SRSF7: variants seen among roughly 807,000 people sequenced by gnomAD.
SRSF7 encodes serine/arginine-rich splicing factor 7.
A neutral mutation model predicts 42.2 loss-of-function variants in SRSF7; 15 were observed. The ratio of observed to expected loss-of-function variants is 0.36; its 90% confidence interval spans 0.24 to 0.55. The LOEUF (loss-of-function observed/expected upper bound fraction) is 0.55, where lower values mean the gene tolerates loss of function less well. Among genes scored for constraint, SRSF7 ranks in the 20% least tolerant of loss-of-function variants. The pLI, the probability that SRSF7 is intolerant of heterozygous loss-of-function variation, is 0.88. For synonymous variants in SRSF7, 138 were observed against 107.9 expected (o/e 1.28, Z -1.73); for missense variants, 181 against 305.9 (o/e 0.59, Z 3.04).
chr2:38,750,291 G>A (rs932785130), intron 1 of SRSF7, 97 bp from the exon 2 acceptor site: 6 of 1,152,708 alleles, frequency 5.2e-6, no homozygotes, highest in Non-Finnish European at 4.9e-6. Flanking sequence ...CTCAAGATTG[G>A]GTAAAGCACA....
intron 5 of SRSF7, 52 bp from the exon 6 acceptor site, chr2:38,746,799 T>C (rs1413560956): frequency 6.2e-7 from 1 of 1,606,338 alleles, no homozygotes; most frequent in Admixed American, 1.7e-5. Flanking sequence ...CAAAGGAATT[T>C]CCTTAACTAC....
In SRSF7 at chr2:38,750,011, T is replaced by A. The variant is rs1405982814; in HGVS notation, c.209+3A>T. 1 of 1,604,012 alleles carries A rather than the reference T, an allele frequency of 6.2e-7. No homozygotes were observed. Among genetic ancestry groups the A allele is most frequent in the Non-Finnish European group, 8.5e-7 (1 of 1,176,748 alleles). On this transcript the variant is annotated splice_donor_region_variant and intron_variant, in intron 2 of 7. Coordinates refer to ENST00000313117, the MANE Select transcript of SRSF7 (RefSeq NM_001031684.3). ...AACAGAAGATTCATAACATCTTACT[T>A]ACTTTCCATCCAGTCCTCGTACTGC...
chr2:38,750,470 A>T (rs3134628), intron 1 of SRSF7, among the ~76,000 whole-genome samples: 1 of 151,304 alleles, frequency 6.6e-6, no homozygotes, highest in East Asian at 2.0e-4. Flanking sequence ...CGTGGGGCGG[A>T]ACCTGGCCCG....
intron 5 of SRSF7, among the ~76,000 whole-genome samples, chr2:38,747,608 G>A (rs779756162): frequency 1.3e-5 from 2 of 151,224 alleles, no homozygotes; most frequent in Non-Finnish European, 2.9e-5. Context: ...ACACACTACT[G>A]CCCTAGTCAA....
intron 1 of SRSF7, chr2:38,750,949 G>T: frequency 2.5e-6 from 1 of 398,168 alleles, no homozygotes; most frequent in South Asian, 3.0e-5. Flanking sequence ...CCGGCGGGCA[G>T]CTCCGAGAAA....
intron 2 of SRSF7, 141 bp from the exon 3 acceptor site, chr2:38,749,846 T>G (rs185603477): frequency 1.6e-6 from 2 of 1,247,358 alleles, no homozygotes; most frequent in African/African-American, 1.5e-5. Flanking sequence ...TACCAAGCCC[T>G]AACTCCATCT....
chr2:38,745,328 C>T (rs1667203210), intron 7 of SRSF7, 141 bp from the exon 8 acceptor site: 1 of 845,588 alleles, frequency 1.2e-6, no homozygotes, highest in South Asian at 1.7e-5. Context: ...ATGAAACTTA[C>T]ATATATTCAT....
upstream of SRSF7, chr2:38,751,469 A>G (rs1668356945): frequency 1.6e-6 from 1 of 622,586 alleles, no homozygotes; most frequent in Non-Finnish European, 2.8e-6. Context: ...CAGCCAAGAA[A>G]CGACGCGGAA....
chr2:38,749,016 C>G, intron 3 of SRSF7: 4 of 1,292,318 alleles, frequency 3.1e-6, no homozygotes, highest in Non-Finnish European at 4.0e-6. Context: ...GACGATCAAA[C>G]TGACAGCCAA....
chr2:38,744,388 A>C lies in SRSF7; in HGVS notation c.*745T>G. ...AAACTGGTTAACTAATGTAGAAAGC[A>C]AAGAAACAAGACCATTGAGAGTAGA... On this transcript the variant is annotated 3_prime_UTR_variant, in exon 8 of 8. Coordinates refer to ENST00000313117, the MANE Select transcript of SRSF7 (RefSeq NM_001031684.3). 6.5e-6 allele frequency: 1 copy of C among 152,744 alleles called. No homozygotes were observed. The highest frequency in any genetic ancestry group is 2.1e-4 in the South Asian group (1 of 4,830). 9.5% of individuals were successfully genotyped at this position (152,744 alleles called of 1,614,324 possible). A position where few individuals can be genotyped will look rare whatever the true frequency, so the allele number is the denominator to read the frequency against.
intron 4 of SRSF7, 59 bp from the exon 5 acceptor site, chr2:38,748,216 A>C: frequency 7.5e-7 from 1 of 1,330,060 alleles, no homozygotes. Flanking sequence ...GCCTGTTAAG[A>C]CTTCAACTGG....
chr2:38,751,352 G>C lies in SRSF7; in HGVS notation c.-96C>G. 9 of 1,567,804 alleles carry C rather than the reference G, an allele frequency of 5.7e-6. No homozygotes were observed. Among genetic ancestry groups the C allele is most frequent in the African/African-American group, 1.3e-5 (1 of 74,160 alleles). The stretch of plus-strand genomic sequence containing the variant: ...ACACCTTCACCCGCCAAGAGTCCCG[G>C]CGGCACTACGAGGAAGAGCCCGGGT... On this transcript the variant is annotated 5_prime_UTR_variant, in exon 1 of 8. Coordinates refer to ENST00000313117, the MANE Select transcript of SRSF7 (RefSeq NM_001031684.3).
Position 38,750,037 on chromosome 2 carries a change from A to G in SRSF7, c.186T>C (p.Asp62=). The G allele has an allele frequency of 4.3e-6, 7 of 1,613,100 alleles. No homozygotes were observed. The highest frequency in any genetic ancestry group is 5.9e-6 in the Non-Finnish European group (7 of 1,179,738). The change falls in exon 2 of 8, where the codon GAT becomes GAC. Residue 62 remains aspartate (D), a synonymous_variant. Coordinates refer to ENST00000313117, the MANE Select transcript of SRSF7 (RefSeq NM_001031684.3). ...ACTTTCCATCCAGTCCTCGTACTGC[A>G]TCTTCTGCATCTCTAGGATCTTCGA... ...VEFEDPRDAE[D]AVRGLDGKVI...
Position 38,744,892 on chromosome 2 carries a change from AT to A in SRSF7, c.*240del. On this transcript the variant is annotated 3_prime_UTR_variant, in exon 8 of 8. Transcript: ENST00000313117. ...TGTTAATATTGAACACAAATCAAAA[AT>A]CTAGTTAGAAACATTTTATTTAAAT... The A allele has an allele frequency of 2.2e-6, 1 of 454,870 alleles. No individual in the cohort carries two copies. Among genetic ancestry groups the A allele is most frequent in the Non-Finnish European group, 3.9e-6 (1 of 256,402 alleles). The allele number at this position is 454,870 out of a possible 1,614,324, so 28.2% of individuals were successfully genotyped here.
At chr2:38,751,418 C>T (rs955508928), upstream of SRSF7, 9 of 911,316 alleles carry the variant, frequency 9.9e-6, no homozygotes, top group African/African-American at 1.6e-5. Flanking sequence ...GCGCATGCGT[C>T]ATCTCGTTGT....
chr2:38,748,936 C>A, intron 3 of SRSF7: 2 of 1,328,720 alleles, frequency 1.5e-6, no homozygotes, highest in Non-Finnish European at 9.7e-7. Context: ...GGCCCATGGT[C>A]TAGTAGATCT....
rs918433832 is a variant in SRSF7 at position 38,750,550 on chromosome 2, G to C, written c.29-356C>G. On this transcript the variant is annotated intron_variant, in intron 1 of 7. Coordinates refer to ENST00000313117, the MANE Select transcript of SRSF7 (RefSeq NM_001031684.3). The stretch of plus-strand genomic sequence containing the variant: ...GCGGGCCCGCAGCGGCAGCGGCGTC[G>C]GCGGCGGGAGGGCCTCGGTAGGGGC... Among the ~76,000 whole-genome samples, 6 of 151,736 alleles carry C rather than the reference G, an allele frequency of 4.0e-5. No homozygotes were observed. In the South Asian group the frequency reaches 8.4e-4, roughly 21 times the overall value.
intron 4 of SRSF7, 133 bp from the exon 5 acceptor site, chr2:38,748,290 G>T: frequency 1.4e-6 from 1 of 711,274 alleles, no homozygotes. Context: ...GAGCCCAGGA[G>T]CTTGAGACCA....
intron 5 of SRSF7, 108 bp from the exon 6 acceptor site, chr2:38,746,855 A>T (rs1667495711): frequency 6.5e-7 from 1 of 1,526,762 alleles, no homozygotes; most frequent in Admixed American, 2.1e-5. Context: ...CTAAAACTAA[A>T]CAAGATGCAA....
Sources: gnomAD v4.1 joint callset for allele counts (sites outside exome capture counted in the v4.1 genomes callset) on GRCh38, gnomAD v4.1.1 for gene constraint, MANE v1.5 for transcripts, NCBI Gene and HGNC (gene_info 2026-07-23, HGNC 2026-07-21) for gene names.